Variants in GPHN observed in about 807,000 individuals in gnomAD.
GPHN encodes gephyrin.
Under a neutral mutation model 95.5 loss-of-function variants are expected in GPHN, and 17 were observed. The observed-to-expected ratio is 0.18, with a 90% CI of 0.12 to 0.27. The LOEUF is 0.27. Ranked by LOEUF, GPHN falls within the 10% of genes least tolerant of loss-of-function variation. The pLI is 1.00. For synonymous variants in GPHN, 320 were observed against 322.5 expected (o/e 0.99, Z 0.08); for missense variants, 660 against 978.1 (o/e 0.67, Z 4.34).
At chr14:67,044,678 C>A (rs2153638119) in intron 10 of GPHN, among the ~76,000 whole-genome samples, 1 of 152,216 alleles carries the variant, frequency 6.6e-6, no homozygotes, top group South Asian at 2.1e-4. Flanking sequence ...CATACCCCAG[C>A]CACCGTTTAT....
At chr14:67,656,593 A>G in the GPHN span, 2 of 1,598,058 alleles carry the variant, frequency 1.3e-6, no homozygotes, top group Non-Finnish European at 1.7e-6. Context: ...GCCGATTCTG[A>G]AAGAAGTATG....
chr14:67,317,310 A>G, the GPHN span: 1 of 1,119,746 alleles, frequency 8.9e-7, no homozygotes, highest in Non-Finnish European at 1.3e-6. Context: ...AAAAAAATTT[A>G]AAGAATAAAT....
rs1159946347 is a variant in GPHN at position 66,961,947 on chromosome 14, T to TAC, written c.829-3240_829-3239dup. 2.2e-3 allele frequency among the ~76,000 whole-genome samples: 163 copies of TAC among 75,078 alleles called. 2 individuals are homozygous for TAC. Among genetic ancestry groups the TAC allele is most frequent in the East Asian group, 3.4e-3 (4 of 1,192 alleles). The allele number at this position is 75,078 out of a possible 152,430, so 49.3% of individuals were successfully genotyped here. A position where few individuals can be genotyped will look rare whatever the true frequency, so the allele number is the denominator to read the frequency against. On this transcript the variant is annotated intron_variant, in intron 8 of 22. Transcript: ENST00000478722. ...ATATATATATATATATATATATATA[T>TAC]ACACATATCTCCCAGAAATTTACTC...
At chr14:66,956,608 T>A (rs1026156738) in intron 8 of GPHN, among the ~76,000 whole-genome samples, 1 of 151,908 alleles carries the variant, frequency 6.6e-6, no homozygotes, top group African/African-American at 2.4e-5. Context: ...CTCATTGTGG[T>A]TTTGATTTGC....
At chr14:67,070,004 C>G (rs2076219377) in intron 11 of GPHN, among the ~76,000 whole-genome samples, 1 of 152,104 alleles carries the variant, frequency 6.6e-6, no homozygotes, top group Non-Finnish European at 1.5e-5. Flanking sequence ...TAGAATGATT[C>G]TACTTGCAAA....
intron 4 of GPHN, among the ~76,000 whole-genome samples, chr14:66,828,358 A>G (rs2061456893): frequency 1.3e-5 from 2 of 152,064 alleles, no homozygotes; most frequent in Non-Finnish European, 2.9e-5. Context: ...TGTGTCAGAA[A>G]GGAATTTAGA....
intron 2 of GPHN, among the ~76,000 whole-genome samples, chr14:66,740,091 A>G (rs1419909940): frequency 6.6e-6 from 1 of 152,192 alleles, no homozygotes; most frequent in Non-Finnish European, 1.5e-5. Context: ...CAAAAATTCA[A>G]AAACAAGAAA....
intron 8 of GPHN, among the ~76,000 whole-genome samples, chr14:66,944,296 A>C (rs2067608967): frequency 6.6e-6 from 1 of 152,234 alleles, no homozygotes; most frequent in Admixed American, 6.5e-5. Flanking sequence ...AGCAAAGGTC[A>C]CACAAATATC....
intron 22 of GPHN, among the ~76,000 whole-genome samples, chr14:67,180,150 C>A (rs999015490): frequency 5.3e-5 from 8 of 152,186 alleles, no homozygotes; most frequent in African/African-American, 1.9e-4. Context: ...TCTACAGTAA[C>A]CTTCACTAGA....
chr14:67,542,132 A>G, the GPHN span: 1 of 815,948 alleles, frequency 1.2e-6, no homozygotes, highest in Non-Finnish European at 1.8e-6. Flanking sequence ...AACCCAAGGT[A>G]GTTTAAGACC....
In GPHN at chr14:66,837,612, T is replaced by A. The variant is rs866451244; in HGVS notation, c.294+13046T>A. Among the ~76,000 whole-genome samples the A allele has an allele frequency of 8.9e-4, 113 of 126,856 alleles. No homozygotes were observed. In the South Asian group the frequency reaches 0.016, roughly 17 times the overall value. The allele number at this position is 126,856 out of a possible 152,430, so 83.2% of individuals were successfully genotyped here. A position where few individuals can be genotyped will look rare whatever the true frequency, so the allele number is the denominator to read the frequency against. On this transcript the variant is annotated intron_variant, in intron 4 of 22. Transcript: ENST00000478722. ...AGTATAATAAAAATAAATAAATAAATAAAAATAAATAAATAAATAAATAAA... is the reference window on the plus strand; with the variant it reads ...AGTATAATAAAAATAAATAAATAAAAAAAAATAAATAAATAAATAAATAAA...
the GPHN span, among the ~76,000 whole-genome samples, chr14:67,502,227 A>G: frequency 6.6e-6 from 1 of 151,876 alleles, no homozygotes; most frequent in African/African-American, 2.4e-5. Flanking sequence ...GCTACTCGGG[A>G]GGCTGAGGCA....
intron 2 of GPHN, among the ~76,000 whole-genome samples, chr14:66,727,080 G>C (rs902631269): frequency 6.6e-6 from 1 of 152,108 alleles, no homozygotes; most frequent in Non-Finnish European, 1.5e-5. Context: ...TCTCTCCCAT[G>C]CTGTTCTAGT....
rs938972146 is a variant in GPHN, at chr14:67,181,274, A to G, written c.*337A>G. 28 of 446,870 alleles carry G rather than the reference A, an allele frequency of 6.3e-5. No individual in the cohort carries two copies. The highest frequency in any genetic ancestry group is 4.9e-4 in the African/African-American group (25 of 51,088). The allele number at this position is 446,870 out of a possible 1,614,324, so 27.7% of individuals were successfully genotyped here. On this transcript the variant is annotated 3_prime_UTR_variant, in exon 23 of 23. Coordinates refer to ENST00000478722, the MANE Select transcript of GPHN (RefSeq NM_020806.5). ...GTGTTTTTCTCATCTTTAAAATACA[A>G]CTACTTATGCTCTTAAATCAAGGCT...
At chr14:67,686,306 A>AG in the GPHN span, 1 of 152,202 alleles carries the variant, frequency 6.6e-6, no homozygotes, top group Admixed American at 6.5e-5. Context: ...GGTAGTTATG[A>AG]GGATTAAATG....
chr14:66,510,480 T>C (rs2058001028), intron 1 of GPHN, among the ~76,000 whole-genome samples: 1 of 152,238 alleles, frequency 6.6e-6, no homozygotes, highest in Non-Finnish European at 1.5e-5. Context: ...ATGCAGCCCT[T>C]ATCTGGTGTC....
chr14:67,490,781 C>G, the GPHN span, among the ~76,000 whole-genome samples: 1 of 152,118 alleles, frequency 6.6e-6, no homozygotes, highest in Non-Finnish European at 1.5e-5. Flanking sequence ...TTTTTACCCC[C>G]ACTCTCCTTT....
intron 6 of GPHN, among the ~76,000 whole-genome samples, chr14:66,920,150 A>T (rs1368160187): frequency 6.6e-6 from 1 of 152,190 alleles, no homozygotes; most frequent in Non-Finnish European, 1.5e-5. Flanking sequence ...CATGAATCAC[A>T]TCAAGAAATG....
the GPHN span, among the ~76,000 whole-genome samples, chr14:67,491,248 T>C: frequency 1.3e-5 from 2 of 152,152 alleles, no homozygotes; most frequent in Non-Finnish European, 2.9e-5. Flanking sequence ...GGTGACGTAT[T>C]GGGGGGTCAC....
Sources: allele counts gnomAD v4.1 joint callset (sites outside exome capture counted in the v4.1 genomes callset), GRCh38; gene constraint gnomAD v4.1.1; transcripts MANE v1.5; gene names NCBI Gene and HGNC (gene_info 2026-07-23, HGNC 2026-07-21).